The following LRRC4C variants were observed in gnomAD, a reference collection of about 807,000 sequenced individuals.
LRRC4C encodes leucine rich repeat containing 4C, also known as leucine-rich repeat-containing protein 4C.
LRRC4C carries 5 observed loss-of-function variants against 33.6 expected under a neutral mutation model. The ratio of observed to expected loss-of-function variants is 0.15; its 90% CI spans 0.08 to 0.31. The LOEUF is 0.31. Ranked by LOEUF, LRRC4C falls within the 10% of genes least tolerant of loss-of-function variation. LRRC4C has a pLI of 1.00. For missense variants in LRRC4C, 560 were observed against 796.7 expected (o/e 0.70, Z 3.58); for synonymous variants, 329 against 302.0 (o/e 1.09, Z -0.93).
intron 1 of LRRC4C, among the ~76,000 whole-genome samples, chr11:41,016,945 T>C (rs1467802908): frequency 1.3e-5 from 2 of 152,150 alleles, no homozygotes; most frequent in Non-Finnish European, 2.9e-5. Context: ...TTTTCAGAAA[T>C]GCCAAACTCA....
intron 1 of LRRC4C, among the ~76,000 whole-genome samples, chr11:41,032,183 CCTT>C (rs1398219273): frequency 6.6e-6 from 1 of 152,034 alleles, no homozygotes; most frequent in Non-Finnish European, 1.5e-5. Context: ...CAATTCCAAT[CCTT>C]CTGCCCCAGA....
chr11:41,156,492 A>G (rs187491315), intron 1 of LRRC4C, among the ~76,000 whole-genome samples: 4 of 152,242 alleles, frequency 2.6e-5, no homozygotes, highest in African/African-American at 9.6e-5. Flanking sequence ...ACAATTTCCC[A>G]CTTAACAATT....
rs1490740198 is a variant in LRRC4C, at chr11:40,615,265, T to TATACAC, written c.-270+32876_-270+32877insGTGTAT. ...ATATATATATATATATATATATATA[T>TATACAC]ACACACACACACACATATGTATATT... On this transcript the variant is annotated intron_variant, in intron 3 of 6. Coordinates refer to ENST00000528697, the MANE Select transcript of LRRC4C (RefSeq NM_001258419.2). Among the ~76,000 whole-genome samples the TATACAC allele has an allele frequency of 4.8e-3, 259 of 53,418 alleles. 1 individual carries two copies. The highest frequency in any genetic ancestry group is 9.5e-3 in the African/African-American group (250 of 26,222). The allele number at this position is 53,418 out of a possible 152,430, so 35.0% of individuals were successfully genotyped here. A position where few individuals can be genotyped will look rare whatever the true frequency, so the allele number is the denominator to read the frequency against.
intron 1 of LRRC4C, among the ~76,000 whole-genome samples, chr11:41,191,292 A>T (rs1159212297): frequency 6.6e-6 from 1 of 152,198 alleles, no homozygotes; most frequent in Non-Finnish European, 1.5e-5. Flanking sequence ...AAGTGTCAGG[A>T]GCCTGCTGTG....
At chr11:40,765,514 G>A (rs1029896324) in intron 2 of LRRC4C, among the ~76,000 whole-genome samples, 12 of 152,140 alleles carry the variant, frequency 7.9e-5, no homozygotes, top group African/African-American at 2.9e-4. Context: ...TGACAGAGAT[G>A]TGTTACCTTT....
intron 2 of LRRC4C, among the ~76,000 whole-genome samples, chr11:40,721,918 C>A (rs1002163745): frequency 6.6e-6 from 1 of 152,134 alleles, no homozygotes; most frequent in Non-Finnish European, 1.5e-5. Context: ...TCCATCCAGC[C>A]TGGGCGACAG....
intron 5 of LRRC4C, among the ~76,000 whole-genome samples, chr11:40,160,461 CA>C (rs1859063915): frequency 6.6e-6 from 1 of 152,048 alleles, no homozygotes; most frequent in Non-Finnish European, 1.5e-5. Flanking sequence ...GGCATGAGAA[CA>C]GATGTTGATC....
At chr11:40,575,610 A>G (rs190409531) in intron 3 of LRRC4C, among the ~76,000 whole-genome samples, 224 of 152,282 alleles carry the variant, frequency 1.5e-3, no homozygotes, top group Non-Finnish European at 2.1e-3. Context: ...GAAACTTACT[A>G]CTAATTAGCT....
intron 3 of LRRC4C, among the ~76,000 whole-genome samples, chr11:40,619,828 A>AT (rs1479526648): frequency 6.8e-6 from 1 of 146,972 alleles, no homozygotes; most frequent in African/African-American, 2.5e-5. Context: ...TCTTCCACAC[A>AT]TTTTCTCGGT....
chr11:40,888,700 C>G (rs898399447), intron 2 of LRRC4C, among the ~76,000 whole-genome samples: 6 of 151,914 alleles, frequency 3.9e-5, no homozygotes, highest in African/African-American at 1.4e-4. Context: ...TCTTGATTAA[C>G]CAAATTTCAA....
chr11:40,601,960 G>A (rs566624220), intron 3 of LRRC4C, among the ~76,000 whole-genome samples: 29 of 152,110 alleles, frequency 1.9e-4, no homozygotes, highest in East Asian at 5.8e-4. Context: ...GAAGGCCAAG[G>A]CAGGCAGAAC....
intron 2 of LRRC4C, among the ~76,000 whole-genome samples, chr11:40,808,002 T>G (rs1292669940): frequency 1.3e-5 from 2 of 152,118 alleles, no homozygotes; most frequent in Non-Finnish European, 2.9e-5. Flanking sequence ...TAATTACCAG[T>G]TTTTTTATCA....
intron 1 of LRRC4C, among the ~76,000 whole-genome samples, chr11:41,236,933 G>A (rs1948050202): frequency 6.6e-6 from 1 of 152,198 alleles, no homozygotes; most frequent in Admixed American, 6.5e-5. Flanking sequence ...GTTGTAAAGT[G>A]CCTGAAAGGC....
intron 2 of LRRC4C, among the ~76,000 whole-genome samples, chr11:40,890,996 A>T (rs897776228): frequency 6.6e-6 from 1 of 151,990 alleles, no homozygotes; most frequent in Non-Finnish European, 1.5e-5. Flanking sequence ...TAATATCAGC[A>T]CTCTAGGAGG....
intron 3 of LRRC4C, among the ~76,000 whole-genome samples, chr11:40,513,998 A>G (rs80269796): frequency 0.021 from 3,144 of 152,274 alleles, 120 homozygotes; most frequent in African/African-American, 0.072. Context: ...CACTTCCACT[A>G]TGAATCCTCT....
intron 2 of LRRC4C, among the ~76,000 whole-genome samples, chr11:40,694,123 T>C (rs745691093): frequency 1.4e-4 from 22 of 152,252 alleles, no homozygotes; most frequent in Non-Finnish European, 2.6e-4. Context: ...CTGGAAGTAA[T>C]TGAACTGGAA....
intron 2 of LRRC4C, among the ~76,000 whole-genome samples, chr11:40,769,269 G>A (rs146879040): frequency 1.1e-3 from 162 of 152,028 alleles, no homozygotes; most frequent in Middle Eastern, 6.8e-3. Flanking sequence ...ATAAACTGAT[G>A]CAAAGAAATG....
chr11:40,604,391 C>T (rs1960345555), intron 3 of LRRC4C, among the ~76,000 whole-genome samples: 1 of 152,196 alleles, frequency 6.6e-6, no homozygotes, highest in Non-Finnish European at 1.5e-5. Context: ...ATCTTACTTA[C>T]ATTTCTTCTC....
chr11:41,204,239 T>C (rs905241696), intron 1 of LRRC4C, among the ~76,000 whole-genome samples: 2 of 152,226 alleles, frequency 1.3e-5, no homozygotes, highest in Non-Finnish European at 2.9e-5. Flanking sequence ...AGCATTTTAT[T>C]GTTCAGTGAC....
Sources: allele counts gnomAD v4.1 joint callset (sites outside exome capture counted in the v4.1 genomes callset), GRCh38; gene constraint gnomAD v4.1.1; transcripts MANE v1.5; gene names NCBI Gene and HGNC (gene_info 2026-07-23, HGNC 2026-07-21).